Variants in KLHL12 observed in about 807,000 individuals in gnomAD.
The protein encoded by KLHL12 is kelch-like protein 12.
A neutral mutation model predicts 60.8 loss-of-function variants in KLHL12; 17 were observed. The observed-to-expected ratio is 0.28, with a 90% CI of 0.19 to 0.42. KLHL12 has a LOEUF of 0.42. Among genes scored for constraint, KLHL12 ranks in the 10% least tolerant of loss-of-function variants. The pLI is 1.00. For missense variants in KLHL12, 468 were observed against 722.3 expected, an observed-to-expected ratio of 0.65 and a Z score of 4.04; for synonymous variants, 220 against 250.9, an observed-to-expected ratio of 0.88 and a Z score of 1.16.
chr1:202,905,150 A>C (rs1421048737), intron 6 of KLHL12, among the ~76,000 whole-genome samples: 1 of 152,166 alleles, frequency 6.6e-6, no homozygotes, highest in Admixed American at 6.5e-5. Context: ...TAACCTCAAG[A>C]CTATGAAGAT....
At chr1:202,908,666 T>C (rs1378912206) in intron 6 of KLHL12, among the ~76,000 whole-genome samples, 1 of 152,228 alleles carries the variant, frequency 6.6e-6, no homozygotes, top group African/African-American at 2.4e-5. Flanking sequence ...AAGCATATAC[T>C]ACTTACCTGC....
At chr1:202,925,522 A>G (rs906487113) in intron 1 of KLHL12, among the ~76,000 whole-genome samples, 10 of 152,360 alleles carry the variant, frequency 6.6e-5, no homozygotes, top group African/African-American at 2.4e-4. Flanking sequence ...TCTTGTCTCA[A>G]ATGATAAACC....
In KLHL12 at chr1:202,925,075, T is replaced by C; in HGVS notation, c.88A>G (p.Asn30Asp). The C allele has an allele frequency of 6.2e-7, 1 of 1,614,208 alleles. No homozygotes were observed. The highest frequency in any genetic ancestry group is 8.5e-7 in the Non-Finnish European group (1 of 1,180,038). ...LNSMNSLRKS[N>D]TLCDVTLRVE... is the part of the protein sequence containing the mutation. ...CTCAATGTCACATCACAGAGGGTAT[T>C]GCTCTTCCTGAGGGAGTTCATTGAA... Residue 30 changes from asparagine to aspartate, a missense_variant, in exon 2 of 12, where the codon AAT (asparagine) becomes GAT (aspartate). Transcript: ENST00000367261.
intron 11 of KLHL12, 73 bp from the exon 12 acceptor site, chr1:202,892,732 T>C (rs1571510418): frequency 6.6e-7 from 1 of 1,520,958 alleles, no homozygotes; most frequent in Middle Eastern, 2.0e-4. Context: ...ATCCCAACTA[T>C]GCAGGAGGCT....
At chr1:202,914,980 C>T (rs537416799) in intron 4 of KLHL12, 8 of 151,802 alleles carry the variant, frequency 5.3e-5, no homozygotes, top group African/African-American at 1.9e-4. Context: ...TCAGACTAGC[C>T]ATGAGCAGAC....
chr1:202,905,963 C>T (rs1348825302), intron 6 of KLHL12, among the ~76,000 whole-genome samples: 2 of 127,596 alleles, frequency 1.6e-5, no homozygotes, highest in Non-Finnish European at 3.3e-5. Flanking sequence ...CGCCACCACA[C>T]CTGGCTTTTT....
At position 202,891,672 on chromosome 1, in the gene KLHL12, A is replaced by G. The variant is rs1236794219; in HGVS notation, c.*861T>C. On this transcript the variant is annotated 3_prime_UTR_variant, in exon 12 of 12. Transcript: ENST00000367261. ...ATGGCTAGATGAGCCCTGGCAGGTA[A>G]TAAGATGACTGTAAAATCACAGGTT... is the stretch of plus-strand genomic sequence containing the variant. The G allele has an allele frequency of 5.3e-5, 8 of 152,244 alleles. No homozygotes were observed. Among genetic ancestry groups the G allele is most frequent in the African/African-American group, 1.2e-4 (5 of 41,452 alleles). 9.4% of individuals were successfully genotyped at this position (152,244 alleles called of 1,614,324 possible).
rs3766570 is a variant in KLHL12 at position 202,909,171 on chromosome 1, T to C, written c.718-47A>G. 7.7e-4 allele frequency: 930 copies of C among 1,200,652 alleles called. 16 individuals are homozygous for C. In the East Asian group the frequency reaches 0.02, roughly 25 times the overall value. 74.4% of individuals were successfully genotyped at this position (1,200,652 alleles called of 1,614,324 possible). A position where few individuals can be genotyped will look rare whatever the true frequency, so the allele number is the denominator to read the frequency against. On this transcript the variant is annotated intron_variant, in intron 5 of 11. Transcript: ENST00000367261. This position sits in a 1 kb window ranked among gnomAD's most constrained non-coding sequence, Gnocchi z 4.1. ...AGTTAGGCACTGGGGATACCTGTAA[T>C]ACTATAAGAGTACAAAGAGCACATG...
chr1:202,893,467 CTAGAATCTGAATTA>C lies in KLHL12; in HGVS notation c.1394-56_1394-43del. 1 of 1,505,232 alleles carries C rather than the reference CTAGAATCTGAATTA, an allele frequency of 6.6e-7. No homozygotes were observed. The highest frequency in any genetic ancestry group is 9.1e-7 in the Non-Finnish European group (1 of 1,097,312). 93.2% of individuals were successfully genotyped at this position (1,505,232 alleles called of 1,614,324 possible). On this transcript the variant is annotated intron_variant, in intron 10 of 11. Coordinates refer to ENST00000367261, the MANE Select transcript of KLHL12 (RefSeq NM_021633.4). The surrounding 1 kb of genome is among the most constrained non-coding windows in gnomAD (Gnocchi z 4.1). ...CATTAGCAAATGTATGGTACTAAGC[CTAGAATCTGAATTA>C]TAGAAATAAACTACGGTCACTAATG...
At chr1:202,917,970 A>T (rs1571539458) in intron 4 of KLHL12, among the ~76,000 whole-genome samples, 2 of 152,320 alleles carry the variant, frequency 1.3e-5, no homozygotes, top group East Asian at 3.9e-4. Context: ...ACCCACTGGG[A>T]TCATATATCT....
intron 6 of KLHL12, among the ~76,000 whole-genome samples, chr1:202,901,396 A>G (rs1025818657): frequency 2.0e-5 from 3 of 151,742 alleles, no homozygotes; most frequent in African/African-American, 7.3e-5. Flanking sequence ...GGCTCAAGCA[A>G]TCCTCCTACC....
rs923871316 is a variant in KLHL12 at position 202,893,682 on chromosome 1, C to A, written c.1394-257G>T. Reference sequence around the variant, plus strand: ...ACTTTCATTAACTCAGAGCCCAACCCTTCTAATTAGGAGAAAGGGAGGAAG... The same window carrying A: ...ACTTTCATTAACTCAGAGCCCAACCATTCTAATTAGGAGAAAGGGAGGAAG... On this transcript the variant is annotated intron_variant, in intron 10 of 11. Coordinates refer to ENST00000367261, the MANE Select transcript of KLHL12 (RefSeq NM_021633.4). The surrounding 1 kb of genome is among the most constrained non-coding windows in gnomAD (Gnocchi z 4.1). 6.6e-6 allele frequency among the ~76,000 whole-genome samples: 1 copy of A among 152,120 alleles called. No individual in the cohort carries two copies. The highest frequency in any genetic ancestry group is 2.4e-5 in the African/African-American group (1 of 41,414).
chr1:202,925,720 G>C (rs1653513260), intron 1 of KLHL12, among the ~76,000 whole-genome samples: 1 of 152,152 alleles, frequency 6.6e-6, no homozygotes, highest in African/African-American at 2.4e-5. Flanking sequence ...CTTAGAGCAA[G>C]AAAGGCCACT....
At chr1:202,921,343 T>G (rs1660692715) in intron 2 of KLHL12, among the ~76,000 whole-genome samples, 1 of 151,968 alleles carries the variant, frequency 6.6e-6, no homozygotes, top group African/African-American at 2.4e-5. Context: ...CCTGGCTAAT[T>G]TTTGTGTTTT....
intron 1 of KLHL12, 73 bp downstream of exon 1, chr1:202,927,016 G>C (rs562228567): frequency 2.1e-6 from 2 of 963,306 alleles, no homozygotes; most frequent in Non-Finnish European, 2.5e-6. Context: ...CCAAGGATGG[G>C]GGGTAGGGCC....
upstream of KLHL12, chr1:202,928,573 C>T (rs1354602217): frequency 1.1e-5 from 14 of 1,289,638 alleles, no homozygotes; most frequent in African/African-American, 3.1e-5. Context: ...CTTTTCGGGC[C>T]GAACAACGCT....
At chr1:202,900,772 G>A (rs953127632) in intron 6 of KLHL12, among the ~76,000 whole-genome samples, 36 of 152,168 alleles carry the variant, frequency 2.4e-4, no homozygotes, top group African/African-American at 4.3e-4. Flanking sequence ...GGTGAGGCAC[G>A]AGAATCGCTT....
Position 202,911,222 on chromosome 1 carries a change from A to T in KLHL12, c.568-19T>A, listed in dbSNP as rs1553237891. 6 of 1,613,378 alleles carry T rather than the reference A, an allele frequency of 3.7e-6. No homozygotes were observed. The South Asian group carries it at 6.6e-5, about 18-fold the overall frequency. ...AATCCACCTGTAAATGTATAATTAC[A>T]CACCGTGGATCCTACTTTTCCAATT... is the stretch of plus-strand genomic sequence containing the variant. On this transcript the variant is annotated intron_variant, in intron 4 of 11. Coordinates refer to ENST00000367261, the MANE Select transcript of KLHL12 (RefSeq NM_021633.4).
At chr1:202,910,663 A>G (rs1221035781) in intron 5 of KLHL12, among the ~76,000 whole-genome samples, 1 of 152,202 alleles carries the variant, frequency 6.6e-6, no homozygotes, top group African/African-American at 2.4e-5. Context: ...AAATGCATCA[A>G]ACTCCTTTCA....
Sources: gnomAD v4.1 joint callset for allele counts (sites outside exome capture counted in the v4.1 genomes callset) on GRCh38, gnomAD v4.1.1 for gene constraint, Gnocchi (gnomAD v3.1) non-coding constraint, MANE v1.5 for transcripts, NCBI Gene and HGNC (gene_info 2026-07-23, HGNC 2026-07-21) for gene names.